Variants in COLEC11 observed in about 807,000 individuals in gnomAD.
The protein encoded by COLEC11 is collectin-11.
A neutral mutation model predicts 27.3 loss-of-function variants in COLEC11; 20 were observed. The observed-to-expected ratio is 0.73, with a 90% confidence interval of 0.51 to 1.06. COLEC11 has a LOEUF of 1.06. Ranked by LOEUF, COLEC11 falls within the 50% of genes least tolerant of loss-of-function variation. The pLI is 0.00. For synonymous variants in COLEC11, 163 were observed against 154.7 expected (o/e 1.05, Z -0.40); for missense variants, 310 against 383.0 (o/e 0.81, Z 1.59).
intron 3 of COLEC11, among the ~76,000 whole-genome samples, chr2:3,616,246 C>T (rs1279870274): frequency 6.6e-6 from 1 of 150,860 alleles, no homozygotes; most frequent in Non-Finnish European, 1.5e-5. Context: ...AGGATGGCGG[C>T]CGGGAAGAGG....
chr2:3,609,704 A>G (rs902191752), intron 2 of COLEC11, among the ~76,000 whole-genome samples: 4 of 152,028 alleles, frequency 2.6e-5, no homozygotes, highest in African/African-American at 9.7e-5. Flanking sequence ...TAATTTTTGT[A>G]TTTTTAGTAG....
chr2:3,643,429 G>C lies in COLEC11; in HGVS notation c.329-15G>C. The stretch of plus-strand genomic sequence containing the variant: ...CTCATCCAGCGTTTGTAACGCGTGG[G>C]CCTGGCCCCCGCAGGCCTCCCATGT... On this transcript the variant is annotated splice_polypyrimidine_tract_variant and intron_variant, in intron 5 of 6. Coordinates refer to ENST00000349077, the MANE Select transcript of COLEC11 (RefSeq NM_024027.5). 3 of 1,609,014 alleles carry C rather than the reference G, an allele frequency of 1.9e-6. No homozygotes were observed. Among genetic ancestry groups the C allele is most frequent in the African/African-American group, 2.7e-5 (2 of 74,912 alleles).
chr2:3,635,486 G>A (rs955080404), intron 3 of COLEC11, among the ~76,000 whole-genome samples: 4 of 152,176 alleles, frequency 2.6e-5, no homozygotes, highest in African/African-American at 7.2e-5. Flanking sequence ...GCACGGAGAT[G>A]CACCACACCC....
chr2:3,613,887 CA>C (rs1252939674), intron 3 of COLEC11, among the ~76,000 whole-genome samples: 1 of 152,080 alleles, frequency 6.6e-6, no homozygotes, highest in East Asian at 1.9e-4. Context: ...CAGTGCATGG[CA>C]GGGGTTAAAT....
intron 3 of COLEC11, among the ~76,000 whole-genome samples, chr2:3,624,750 A>T (rs1664411380): frequency 6.6e-6 from 1 of 152,054 alleles, no homozygotes. Flanking sequence ...GGACTTCCAG[A>T]CTCCTACAAA....
At chr2:3,608,609 G>A (rs922967479) in intron 2 of COLEC11, among the ~76,000 whole-genome samples, 3 of 152,180 alleles carry the variant, frequency 2.0e-5, no homozygotes, top group Non-Finnish European at 4.4e-5. Flanking sequence ...GATGACTTGA[G>A]CCCAGGAGTT....
At chr2:3,613,406 C>T (rs760903441) in intron 3 of COLEC11, 24 bp downstream of exon 3, 3 of 1,568,832 alleles carry the variant, frequency 1.9e-6, no homozygotes, top group Admixed American at 1.9e-5. Flanking sequence ...TGGGCCGGCC[C>T]TCAGAGCTCT....
At chr2:3,641,718 AG>A (rs546627337) in intron 5 of COLEC11, among the ~76,000 whole-genome samples, 1 of 152,066 alleles carries the variant, frequency 6.6e-6, no homozygotes, top group Non-Finnish European at 1.5e-5. Context: ...GTGTGAGTGG[AG>A]GGGGGGTGTC....
At chr2:3,596,384 T>G (rs1310093341) in intron 1 of COLEC11, among the ~76,000 whole-genome samples, 1 of 148,442 alleles carries the variant, frequency 6.7e-6, no homozygotes, top group South Asian at 2.1e-4. Context: ...TCACCCAGGC[T>G]GGAGTGCAAT....
rs367923690 is a variant in COLEC11, at chr2:3,597,758, G to A, written c.-27+2590G>A. ...ACTTGCGTACTGAGTGGGTGGGGAG[G>A]AAGAGTTTACTATTGCTTTCAGAAG... On this transcript the variant is annotated intron_variant, in intron 1 of 6. Coordinates refer to ENST00000349077, the MANE Select transcript of COLEC11 (RefSeq NM_024027.5). Among the ~76,000 whole-genome samples the A allele has an allele frequency of 5.9e-5, 9 of 152,072 alleles. No individual in the cohort carries two copies. The East Asian group carries it at 1.4e-3, about 23-fold the overall frequency.
At chr2:3,612,253 C>T (rs1199012134) in intron 2 of COLEC11, among the ~76,000 whole-genome samples, 5 of 152,266 alleles carry the variant, frequency 3.3e-5, no homozygotes, top group Middle Eastern at 6.8e-3. Context: ...CCCACGCACA[C>T]GCATGCACAC....
chr2:3,613,104 G>A (rs1663355676), intron 2 of COLEC11, among the ~76,000 whole-genome samples: 2 of 152,200 alleles, frequency 1.3e-5, no homozygotes, highest in African/African-American at 2.4e-5. Flanking sequence ...AGAAGGTAGG[G>A]CAGGGAGACA....
Position 3,597,828 on chromosome 2 carries a change from CG to C in COLEC11, c.-27+2664del, listed in dbSNP as rs1224109553. Among the ~76,000 whole-genome samples, 10 of 152,300 alleles carry C rather than the reference CG, an allele frequency of 6.6e-5. No homozygotes were observed. In the East Asian group the frequency reaches 1.9e-3, roughly 29 times the overall value. ...AAAATACTGCTGCTGAGGCAGGAGCCGGGGAGACTACGGTTATGAGCCCAGT... is the reference window on the plus strand; with the variant it reads ...AAAATACTGCTGCTGAGGCAGGAGCCGGGAGACTACGGTTATGAGCCCAGT... On this transcript the variant is annotated intron_variant, in intron 1 of 6. Transcript: ENST00000349077.
chr2:3,606,324 G>T lies in COLEC11; in HGVS notation c.130+1854G>T, dbSNP rs984452655. 8.8e-5 allele frequency: 111 copies of T among 1,256,898 alleles called. No homozygotes were observed. In the African/African-American group the frequency reaches 1.5e-3, roughly 17 times the overall value. The allele number at this position is 1,256,898 out of a possible 1,614,324, so 77.9% of individuals were successfully genotyped here. A position where few individuals can be genotyped will look rare whatever the true frequency, so the allele number is the denominator to read the frequency against. ...CGCCGCCTTTCCCAGGTGCTGTTGG[G>T]AGGGTCCTTCCCAGCTGTCCACGTC... On this transcript the variant is annotated intron_variant, in intron 2 of 6. Coordinates refer to ENST00000349077, the MANE Select transcript of COLEC11 (RefSeq NM_024027.5).
chr2:3,599,954 G>T (rs6706482), intron 1 of COLEC11, among the ~76,000 whole-genome samples: 1 of 152,174 alleles, frequency 6.6e-6, no homozygotes, highest in East Asian at 1.9e-4. Context: ...ACTCAAAAGC[G>T]GCCAGGCACG....
Position 3,613,349 on chromosome 2 carries a change from C to T in COLEC11, c.169C>T (p.Arg57Trp), listed in dbSNP as rs148207876. The change falls in exon 3 of 7, where the codon CGG (arginine) becomes TGG (tryptophan). Residue 57 changes from arginine (R) to tryptophan (W), a missense_variant. Coordinates refer to ENST00000349077, the MANE Select transcript of COLEC11 (RefSeq NM_024027.5). ...GAAGGGAGACAAAGGCGCCCCCGGA[C>T]GGCCTGGAAGAGTCGGCCCCACGGG... ...GEKGDKGAPG[R>W]PGRVGPTGEK... is the part of the protein sequence containing the mutation. 1.7e-4 allele frequency: 278 copies of T among 1,609,216 alleles called. 1 individual carries two copies. The East Asian group carries it at 5.2e-3, about 30-fold the overall frequency.
intron 4 of COLEC11, among the ~76,000 whole-genome samples, chr2:3,638,690 C>T (rs998726100): frequency 2.0e-5 from 3 of 152,172 alleles, no homozygotes; most frequent in Admixed American, 2.0e-4. Flanking sequence ...CAGCTGCGGG[C>T]CTCCCCTGGA....
In COLEC11 at chr2:3,643,966, A is replaced by G. The variant is rs1264086728; in HGVS notation, c.664A>G (p.Met222Val). Residue 222 changes from methionine to valine, a missense_variant, in exon 7 of 7, where the codon ATG (methionine) becomes GTG (valine). Coordinates refer to ENST00000349077, the MANE Select transcript of COLEC11 (RefSeq NM_024027.5). The stretch of plus-strand genomic sequence containing the variant: ...CTTCGTGTACTCTGACCACTCCCCC[A>G]TGCGGACCTTCAACAAGTGGCGCAG... The part of the protein sequence containing the change: ...GAFVYSDHSP[M>V]RTFNKWRSGE... The G allele has an allele frequency of 6.2e-7, 1 of 1,614,132 alleles. No homozygotes were observed.
chr2:3,620,157 T>A (rs1224925095), intron 3 of COLEC11, among the ~76,000 whole-genome samples: 2 of 152,212 alleles, frequency 1.3e-5, no homozygotes, highest in African/African-American at 4.8e-5. Flanking sequence ...CTATTTAAAT[T>A]TTTGGTAAAG....
Sources: gnomAD v4.1 joint callset for allele counts (sites outside exome capture counted in the v4.1 genomes callset) on GRCh38, gnomAD v4.1.1 for gene constraint, MANE v1.5 for transcripts, NCBI Gene and HGNC (gene_info 2026-07-23, HGNC 2026-07-21) for gene names.